The following FGF12 variants were observed in gnomAD, a reference collection of about 807,000 sequenced individuals.
The protein encoded by FGF12 is fibroblast growth factor 12.
Under a neutral mutation model 23.6 loss-of-function variants are expected in FGF12, and 14 were observed. The observed-to-expected ratio is 0.59, with a 90% CI of 0.39 to 0.93. The LOEUF is 0.93. Ranked by LOEUF, FGF12 falls within the 40% of genes least tolerant of loss-of-function variation. The probability of loss-of-function intolerance (pLI) is 0.00; values close to 1 mark genes in which losing one functional copy is unlikely to be tolerated. For synonymous variants in FGF12, 62 were observed against 77.3 expected (o/e 0.80, Z 1.04); for missense variants, 175 against 217.8 (o/e 0.80, Z 1.24).
chr3:192,291,967 C>A (rs1306405955), intron 4 of FGF12, among the ~76,000 whole-genome samples: 1 of 152,144 alleles, frequency 6.6e-6, no homozygotes, highest in African/African-American at 2.4e-5. Flanking sequence ...ATGCAGCTAA[C>A]CCAATTTGAA....
intron 2 of FGF12, among the ~76,000 whole-genome samples, chr3:192,585,491 C>G (rs929690540): frequency 6.6e-6 from 1 of 152,058 alleles, no homozygotes; most frequent in South Asian, 2.1e-4. Context: ...CTCTAATGTC[C>G]ATAAGAGATT....
chr3:192,478,246 G>C (rs901964175), intron 2 of FGF12, among the ~76,000 whole-genome samples: 1 of 152,020 alleles, frequency 6.6e-6, no homozygotes, highest in Non-Finnish European at 1.5e-5. Flanking sequence ...CAAGAAGCAG[G>C]TACAACAGTT....
intron 2 of FGF12, among the ~76,000 whole-genome samples, chr3:192,473,915 G>T (rs1723242999): frequency 6.6e-6 from 1 of 152,138 alleles, no homozygotes; most frequent in African/African-American, 2.4e-5. Flanking sequence ...TTCAGTAAAG[G>T]TTCCACAATG....
intron 2 of FGF12, among the ~76,000 whole-genome samples, chr3:192,425,845 A>C (rs1173385431): frequency 6.6e-6 from 1 of 152,210 alleles, no homozygotes; most frequent in Non-Finnish European, 1.5e-5. Flanking sequence ...CAGAGTAGTA[A>C]TCAGATTCAT....
chr3:192,335,153 A>G lies in FGF12; in HGVS notation c.228+208T>C, dbSNP rs112909442. ...GCTAGACACAAAGAATTTATATCGC[A>G]TGGAGAGTAACTGCAATATACTCAT... On this transcript the variant is annotated intron_variant, in intron 4 of 5. Coordinates refer to ENST00000445105, the MANE Select transcript of FGF12 (RefSeq NM_004113.6). Among the ~76,000 whole-genome samples, 1,416 of 152,332 alleles carry G rather than the reference A, an allele frequency of 9.3e-3. 9 individuals carry two copies. Among genetic ancestry groups the G allele is most frequent in the Non-Finnish European group, 0.015 (995 of 68,014 alleles).
chr3:192,477,183 G>A (rs1441706201), intron 2 of FGF12, among the ~76,000 whole-genome samples: 7 of 152,170 alleles, frequency 4.6e-5, no homozygotes, highest in Admixed American at 3.3e-4. Context: ...GCCATGGCCA[G>A]CCAGAGGTCA....
At chr3:192,325,289 A>AT (rs989879611) in intron 4 of FGF12, among the ~76,000 whole-genome samples, 14 of 152,066 alleles carry the variant, frequency 9.2e-5, no homozygotes, top group African/African-American at 2.7e-4. Flanking sequence ...ATACCCCCCA[A>AT]TTTTTTTAAA....
Position 192,408,580 on chromosome 3 carries a change from G to A in FGF12, c.14-48042C>T. 1.8e-6 allele frequency: 2 copies of A among 1,089,220 alleles called. No individual in the cohort carries two copies. Among genetic ancestry groups the A allele is most frequent in the South Asian group, 3.4e-5 (1 of 29,386 alleles). The allele number at this position is 1,089,220 out of a possible 1,614,324, so 67.5% of individuals were successfully genotyped here. ...GGGAGTTTAGTCACACTGCGTTCGGGGTACCAAGTGGAAGGGGAAGAACGA... is the reference window on the plus strand; with the variant it reads ...GGGAGTTTAGTCACACTGCGTTCGGAGTACCAAGTGGAAGGGGAAGAACGA... On this transcript the variant is annotated intron_variant, in intron 2 of 5. Coordinates refer to ENST00000445105, the MANE Select transcript of FGF12 (RefSeq NM_004113.6). The surrounding 1 kb of genome is among the most constrained non-coding windows in gnomAD (Gnocchi z 7.3).
chr3:192,195,249 C>G (rs913136693), intron 4 of FGF12, among the ~76,000 whole-genome samples: 1 of 152,096 alleles, frequency 6.6e-6, no homozygotes, highest in African/African-American at 2.4e-5. Context: ...AAAGTCGTTA[C>G]CATTTAAATG....
intron 4 of FGF12, among the ~76,000 whole-genome samples, chr3:192,218,614 C>T (rs1718319219): frequency 6.6e-6 from 1 of 151,828 alleles, no homozygotes; most frequent in Non-Finnish European, 1.5e-5. Flanking sequence ...AAGGAGAAGC[C>T]TATACAGCCT....
chr3:192,554,463 C>A (rs1711671849), intron 2 of FGF12, among the ~76,000 whole-genome samples: 1 of 152,100 alleles, frequency 6.6e-6, no homozygotes, highest in African/African-American at 2.4e-5. Context: ...AAGAAACTGG[C>A]AAATCTCTCT....
intron 2 of FGF12, among the ~76,000 whole-genome samples, chr3:192,599,687 A>T (rs1191630034): frequency 6.6e-6 from 1 of 152,150 alleles, no homozygotes. Context: ...AGACAATCAT[A>T]GTCTAGCACT....
intron 2 of FGF12, among the ~76,000 whole-genome samples, chr3:192,438,922 G>C (rs1722110020): frequency 6.6e-6 from 1 of 152,202 alleles, no homozygotes; most frequent in Admixed American, 6.5e-5. Context: ...TAAAACAAGA[G>C]TTTCTATGTG....
At chr3:192,684,511 A>G (rs1265416640) in intron 2 of FGF12, among the ~76,000 whole-genome samples, 1 of 152,120 alleles carries the variant, frequency 6.6e-6, no homozygotes, top group East Asian at 1.9e-4. Context: ...TCTGCTCTAA[A>G]CAGCTGTTCT....
chr3:192,595,369 A>C (rs1429193616), intron 2 of FGF12, among the ~76,000 whole-genome samples: 1 of 152,202 alleles, frequency 6.6e-6, no homozygotes, highest in Non-Finnish European at 1.5e-5. Context: ...CAGCTCTCCA[A>C]TTCAACACAG....
At chr3:192,260,528 C>T (rs1007132645) in intron 4 of FGF12, among the ~76,000 whole-genome samples, 2 of 152,114 alleles carry the variant, frequency 1.3e-5, no homozygotes, top group Non-Finnish European at 2.9e-5. Context: ...ATACAACCCG[C>T]GTATTACACA....
intron 2 of FGF12, among the ~76,000 whole-genome samples, chr3:192,717,696 CT>C (rs1337347930): frequency 2.0e-5 from 3 of 152,278 alleles, no homozygotes; most frequent in East Asian, 3.9e-4. Context: ...AATATTGTCA[CT>C]TTTTGCATAA....
intron 2 of FGF12, among the ~76,000 whole-genome samples, chr3:192,527,801 T>C (rs1034450610): frequency 2.0e-5 from 3 of 152,174 alleles, no homozygotes; most frequent in Admixed American, 6.6e-5. Context: ...GGGGAGGCCT[T>C]ACAATCATGG....
chr3:192,216,433 T>G (rs1198054378), intron 4 of FGF12, among the ~76,000 whole-genome samples: 1 of 152,198 alleles, frequency 6.6e-6, no homozygotes, highest in Non-Finnish European at 1.5e-5. Context: ...AAGATCACTC[T>G]TGCATGGAAA....
Sources: gnomAD v4.1 joint callset for allele counts (sites outside exome capture counted in the v4.1 genomes callset) on GRCh38, gnomAD v4.1.1 for gene constraint, Gnocchi (gnomAD v3.1) non-coding constraint, MANE v1.5 for transcripts, NCBI Gene and HGNC (gene_info 2026-07-23, HGNC 2026-07-21) for gene names.